Variants in MAN2A1 observed in about 807,000 individuals in gnomAD.
MAN2A1 encodes the protein alpha-mannosidase 2.
A neutral mutation model predicts 142.6 loss-of-function variants in MAN2A1; 76 were observed. That is an observed-to-expected ratio of 0.53 (90% CI 0.44 to 0.65). The LOEUF (loss-of-function observed/expected upper bound fraction) is 0.65, where lower values mean the gene tolerates loss of function less well. MAN2A1 is among the 30% of genes least tolerant of loss of function. MAN2A1 has a pLI of 0.00. For missense variants in MAN2A1, 1,311 were observed against 1,365.1 expected, an observed-to-expected ratio of 0.96 and a Z score of 0.62; for synonymous variants, 559 against 473.2, an observed-to-expected ratio of 1.18 and a Z score of -2.35.
chr5:109,722,479 A>G (rs774949250), intron 3 of MAN2A1, among the ~76,000 whole-genome samples: 86 of 152,124 alleles, frequency 5.7e-4, no homozygotes, highest in Non-Finnish European at 1.0e-3. Flanking sequence ...CAGTGGTGCA[A>G]TCTCAGTTCA....
intron 12 of MAN2A1, among the ~76,000 whole-genome samples, chr5:109,807,777 A>C (rs1754207451): frequency 6.6e-6 from 1 of 152,176 alleles, no homozygotes; most frequent in Non-Finnish European, 1.5e-5. Context: ...GGACATGGAC[A>C]TCTTGGGGTC....
At chr5:109,813,059 A>C (rs560165580) in intron 12 of MAN2A1, among the ~76,000 whole-genome samples, 2 of 152,332 alleles carry the variant, frequency 1.3e-5, no homozygotes, top group African/African-American at 4.8e-5. Flanking sequence ...GTTGCTTTTA[A>C]AATGTTTCCT....
intron 13 of MAN2A1, among the ~76,000 whole-genome samples, chr5:109,819,368 C>T (rs1257115318): frequency 1.3e-5 from 2 of 152,246 alleles, no homozygotes; most frequent in African/African-American, 4.8e-5. Flanking sequence ...CTGCACACAT[C>T]CTCTTGTGTA....
At chr5:109,781,337 T>G in intron 8 of MAN2A1, 59 bp from the exon 9 acceptor site, 1 of 966,116 alleles carries the variant, frequency 1.0e-6, no homozygotes, top group Non-Finnish European at 1.5e-6. Context: ...CCTAACAGTG[T>G]AAGAAGTAAA....
intron 19 of MAN2A1, among the ~76,000 whole-genome samples, chr5:109,849,072 G>T (rs1755411923): frequency 6.6e-6 from 1 of 152,148 alleles, no homozygotes; most frequent in South Asian, 2.1e-4. Context: ...CCTTGCCAGG[G>T]CTTCTATGGA....
chr5:109,841,114 A>G (rs927960752), intron 16 of MAN2A1, among the ~76,000 whole-genome samples: 3 of 152,172 alleles, frequency 2.0e-5, no homozygotes, highest in Middle Eastern at 3.4e-3. Flanking sequence ...TGCTCTCTTT[A>G]GAAGGTCCTG....
chr5:109,761,698 A>G (rs2112637064), intron 5 of MAN2A1, among the ~76,000 whole-genome samples: 1 of 152,172 alleles, frequency 6.6e-6, no homozygotes, highest in East Asian at 1.9e-4. Flanking sequence ...TGAATTAGGT[A>G]GTACTGAATT....
chr5:109,866,761 C>T (rs1366750915), intron 21 of MAN2A1, 85 bp from the exon 22 acceptor site: 2 of 842,924 alleles, frequency 2.4e-6, no homozygotes, highest in African/African-American at 1.7e-5. Flanking sequence ...TATTCCTTCT[C>T]ATACTAATTT....
chr5:109,781,454 A>G lies in MAN2A1; in HGVS notation c.1433A>G (p.Gln478Arg), dbSNP rs1300825516. The change falls in exon 9 of 22, where the codon CAG (glutamine) becomes CGG (arginine). Residue 478 changes from glutamine (Q) to arginine (R), a missense_variant. This residue lies in a region of MAN2A1 where 890 missense variants were observed against 920.5 expected (regional missense o/e 0.97). Transcript: ENST00000261483. ...GCGCTGGATAAAGCAGATGAAACTCAGAGAGACAAGGGCCAATCGATGTTC... is the reference window on the plus strand; with the variant it reads ...GCGCTGGATAAAGCAGATGAAACTCGGAGAGACAAGGGCCAATCGATGTTC... Reference protein sequence around the residue: ...FDALDKADETQRDKGQSMFPV... With the variant: ...FDALDKADETRRDKGQSMFPV... The G allele has an allele frequency of 6.2e-6, 10 of 1,612,922 alleles. No individual in the cohort carries two copies. The highest frequency in any genetic ancestry group is 8.5e-6 in the Non-Finnish European group (10 of 1,179,696).
At chr5:109,813,756 A>T (rs1274297554) in intron 12 of MAN2A1, among the ~76,000 whole-genome samples, 1 of 152,152 alleles carries the variant, frequency 6.6e-6, no homozygotes, top group Admixed American at 6.6e-5. Context: ...GATATGAATT[A>T]CTTCTATGAA....
intron 5 of MAN2A1, among the ~76,000 whole-genome samples, chr5:109,757,832 A>G (rs1336212102): frequency 1.3e-5 from 2 of 152,104 alleles, no homozygotes; most frequent in African/African-American, 4.8e-5. Flanking sequence ...TCTTGGCATA[A>G]TATTTTCAAG....
chr5:109,850,800 A>G (rs771257800), intron 19 of MAN2A1, among the ~76,000 whole-genome samples: 3 of 152,188 alleles, frequency 2.0e-5, no homozygotes, highest in Non-Finnish European at 4.4e-5. Flanking sequence ...TTTAAATTTA[A>G]TTTAATGTTT....
At position 109,774,792 on chromosome 5, in the gene MAN2A1, C is replaced by T. The variant is rs771181774; in HGVS notation, c.1201C>T (p.Arg401Trp). 8.8e-6 allele frequency: 14 copies of T among 1,598,178 alleles called. No homozygotes were observed. In the East Asian group the frequency reaches 1.1e-4, roughly 13 times the overall value. ...TTGTGTTTGTTTTTTTTGTAGGGCT[C>T]GGATGCTACTAGATCAGTACCGAAA... is the stretch of plus-strand genomic sequence containing the variant. ...IHPGNVQSRARMLLDQYRKKS... is the reference protein window; with the variant it reads ...IHPGNVQSRAWMLLDQYRKKS... The change falls in exon 8 of 22, where the codon CGG (arginine) becomes TGG (tryptophan). Residue 401 changes from arginine (R) to tryptophan (W), a missense_variant. Coordinates refer to ENST00000261483, the MANE Select transcript of MAN2A1 (RefSeq NM_002372.4).
At chr5:109,841,296 C>G (rs563322084) in intron 16 of MAN2A1, among the ~76,000 whole-genome samples, 3 of 152,270 alleles carry the variant, frequency 2.0e-5, no homozygotes, top group Admixed American at 1.3e-4. Flanking sequence ...CCTCGCCCCC[C>G]TCCAACCCTT....
chr5:109,790,555 G>A (rs1355485924), intron 12 of MAN2A1, among the ~76,000 whole-genome samples: 2 of 151,948 alleles, frequency 1.3e-5, no homozygotes, highest in Non-Finnish European at 2.9e-5. Context: ...TCATAGTTAG[G>A]ATGAAAGGAT....
intron 20 of MAN2A1, 139 bp downstream of exon 20, chr5:109,855,473 A>C: frequency 3.9e-6 from 2 of 514,048 alleles, no homozygotes; most frequent in Non-Finnish European, 6.5e-6. Flanking sequence ...TTTAGCCAAA[A>C]GCTTCATGCC....
intron 12 of MAN2A1, among the ~76,000 whole-genome samples, chr5:109,800,045 G>A (rs192795011): frequency 6.1e-5 from 9 of 146,552 alleles, no homozygotes; most frequent in East Asian, 4.1e-4. Context: ...TCAAGATTGC[G>A]CCACTGCACT....
Position 109,842,516 on chromosome 5 carries a change from T to C in MAN2A1, c.2700+55T>C, listed in dbSNP as rs141329040. On this transcript the variant is annotated intron_variant, in intron 17 of 21. Coordinates refer to ENST00000261483, the MANE Select transcript of MAN2A1 (RefSeq NM_002372.4). ...TGGTTGTATTGGTGTGTAATTCTTATATATAACAATGGCCCAGTTAATTTT... is the reference window on the plus strand; with the variant it reads ...TGGTTGTATTGGTGTGTAATTCTTACATATAACAATGGCCCAGTTAATTTT... 8.0e-3 allele frequency: 8,975 copies of C among 1,119,994 alleles called. 143 individuals are homozygous for C. The highest frequency in any genetic ancestry group is 0.044 in the Admixed American group (1,725 of 39,160). 69.4% of individuals were successfully genotyped at this position (1,119,994 alleles called of 1,614,324 possible).
At chr5:109,772,145 A>G (rs1213706941) in intron 7 of MAN2A1, among the ~76,000 whole-genome samples, 2 of 152,124 alleles carry the variant, frequency 1.3e-5, no homozygotes, top group Non-Finnish European at 2.9e-5. Flanking sequence ...CTGTAATCCT[A>G]GCACTTTGGG....
Sources: allele counts gnomAD v4.1 joint callset (sites outside exome capture counted in the v4.1 genomes callset), GRCh38; gene constraint gnomAD v4.1.1; regional missense constraint gnomAD v4.1.1; transcripts MANE v1.5; gene names NCBI Gene and HGNC (gene_info 2026-07-23, HGNC 2026-07-21).